CNTNAP3B: variants seen among roughly 807,000 people sequenced by gnomAD.
CNTNAP3B encodes the protein contactin-associated protein-like 3B.
A neutral mutation model predicts 108.9 loss-of-function variants in CNTNAP3B; 25 were observed. The observed-to-expected ratio is 0.23, with a 90% CI of 0.17 to 0.32. CNTNAP3B has a LOEUF of 0.32. CNTNAP3B is among the 10% of genes least tolerant of loss of function. CNTNAP3B has a pLI of 1.00. For synonymous variants in CNTNAP3B, 103 were observed against 473.4 expected (o/e 0.22, Z 10.16); for missense variants, 252 against 1,210.4 (o/e 0.21, Z 11.75).
intron 1 of CNTNAP3B, among the ~76,000 whole-genome samples, chr9:42,107,967 T>A (rs1828114526): frequency 1.1e-5 from 1 of 94,192 alleles, no homozygotes; most frequent in African/African-American, 4.3e-5. Flanking sequence ...AGAGAAAGAC[T>A]CCGTCTTAAA....
intron 15 of CNTNAP3B, among the ~76,000 whole-genome samples, chr9:41,924,524 G>A (rs1258204436): frequency 1.3e-5 from 2 of 152,282 alleles, no homozygotes; most frequent in African/African-American, 2.4e-5. Flanking sequence ...GGTTCGAGCA[G>A]CAGCTCAGTT....
At position 42,078,429 on chromosome 9, in the gene CNTNAP3B, G is replaced by A. The variant is rs77190445; in HGVS notation, c.197-1367C>T. Among the ~76,000 whole-genome samples the A allele has an allele frequency of 5.8e-3, 816 of 139,926 alleles. 16 individuals are homozygous for A. Among genetic ancestry groups the A allele is most frequent in the Middle Eastern group, 0.011 (3 of 276 alleles). 91.8% of individuals were successfully genotyped at this position (139,926 alleles called of 152,430 possible). A position where few individuals can be genotyped will look rare whatever the true frequency, so the allele number is the denominator to read the frequency against. On this transcript the variant is annotated intron_variant, in intron 2 of 23. Transcript: ENST00000377561. Reference sequence around the variant, plus strand: ...AAAATATTTTTTCCTCTGAATGTACGATAAGCACCTCTAAAGTTTATATTA... The same window carrying A: ...AAAATATTTTTTCCTCTGAATGTACAATAAGCACCTCTAAAGTTTATATTA...
chr9:41,964,865 T>C (rs1428067213), intron 10 of CNTNAP3B, among the ~76,000 whole-genome samples: 8 of 152,280 alleles, frequency 5.3e-5, no homozygotes, highest in African/African-American at 1.4e-4. Flanking sequence ...GACAGCTGAA[T>C]TTTCAACACA....
chr9:42,103,417 T>TGA (rs1828038891), intron 2 of CNTNAP3B, among the ~76,000 whole-genome samples: 1 of 29,512 alleles, frequency 3.4e-5, no homozygotes, highest in African/African-American at 1.7e-4. Context: ...CAACAGGGAG[T>TGA]TAAAAAAAAA....
chr9:41,962,913 A>C (rs62557278), intron 11 of CNTNAP3B, among the ~76,000 whole-genome samples: 126,745 of 151,174 alleles, frequency 0.84, 51,164 homozygotes, highest in Admixed American at 0.87. Context: ...TGAGATCATG[A>C]CACTGGGCTC....
rs1379049573 is a variant in CNTNAP3B, at chr9:41,925,225, T to C, written c.2366-1132A>G. On this transcript the variant is annotated intron_variant, in intron 15 of 23. Coordinates refer to ENST00000377561, the MANE Select transcript of CNTNAP3B (RefSeq NM_001201380.3). ...ATGGCTCCTGATTGAATTTTTATTC[T>C]GATGGCTGCCAATAGTGATTTTCTA... Among the ~76,000 whole-genome samples, 6 of 148,272 alleles carry C rather than the reference T, an allele frequency of 4.0e-5. No individual in the cohort carries two copies. In the East Asian group the frequency reaches 1.2e-3, roughly 29 times the overall value.
At position 42,107,704 on chromosome 9, in the gene CNTNAP3B, G is replaced by A. The variant is rs985103069; in HGVS notation, c.86-2965C>T. On this transcript the variant is annotated intron_variant, in intron 1 of 23. Transcript: ENST00000377561. ...TCAGAAAGGCAATAAATTCGGGCGC[G>A]GTGGCTCACACCTGTAATCCCAACA... 8.7e-5 allele frequency among the ~76,000 whole-genome samples: 12 copies of A among 137,842 alleles called. 2 individuals carry two copies. Among genetic ancestry groups the A allele is most frequent in the African/African-American group, 1.2e-4 (4 of 34,532 alleles). 90.4% of individuals were successfully genotyped at this position (137,842 alleles called of 152,430 possible).
chr9:41,942,479 C>T (rs1450273929), intron 13 of CNTNAP3B, among the ~76,000 whole-genome samples: 7 of 151,502 alleles, frequency 4.6e-5, no homozygotes, highest in Non-Finnish European at 8.9e-5. Context: ...GGCGTGGTGG[C>T]GGGCGCCTGT....
intron 14 of CNTNAP3B, among the ~76,000 whole-genome samples, chr9:41,932,804 C>A (rs1207388568): frequency 3.3e-5 from 5 of 152,172 alleles, no homozygotes; most frequent in Non-Finnish European, 7.3e-5. Context: ...AGGTGTGAGC[C>A]ACCGCGCCCA....
intron 18 of CNTNAP3B, among the ~76,000 whole-genome samples, chr9:41,919,645 G>T (rs1823615017): frequency 1.3e-5 from 2 of 152,284 alleles, no homozygotes; most frequent in African/African-American, 4.8e-5. Context: ...GGGACAATGG[G>T]TAAGACGATT....
chr9:41,973,713 CA>C (rs1825473013), intron 9 of CNTNAP3B, among the ~76,000 whole-genome samples: 1 of 139,850 alleles, frequency 7.2e-6, no homozygotes, highest in African/African-American at 2.8e-5. Context: ...GCTATATGCA[CA>C]ACCTGCAACC....
intron 9 of CNTNAP3B, among the ~76,000 whole-genome samples, chr9:41,982,121 T>A: frequency 2.7e-5 from 2 of 72,786 alleles, no homozygotes; most frequent in Middle Eastern, 8.2e-3. Flanking sequence ...GAAGATAACC[T>A]AGGAAATATA....
At chr9:42,103,520 C>T (rs1293299766) in intron 2 of CNTNAP3B, among the ~76,000 whole-genome samples, 1 of 121,836 alleles carries the variant, frequency 8.2e-6, no homozygotes, top group Non-Finnish European at 1.7e-5. Flanking sequence ...TGAGGAGATC[C>T]AGACCACCTT....
rs1323158007 is a variant in CNTNAP3B, at chr9:42,110,206, C to A, written c.86-5467G>T. 3.8e-5 allele frequency among the ~76,000 whole-genome samples: 5 copies of A among 130,834 alleles called. 2 individuals are homozygous for A. The highest frequency in any genetic ancestry group is 8.1e-5 in the Non-Finnish European group (5 of 61,952). The allele number at this position is 130,834 out of a possible 152,430, so 85.8% of individuals were successfully genotyped here. A position where few individuals can be genotyped will look rare whatever the true frequency, so the allele number is the denominator to read the frequency against. On this transcript the variant is annotated intron_variant, in intron 1 of 23. Coordinates refer to ENST00000377561, the MANE Select transcript of CNTNAP3B (RefSeq NM_001201380.3). ...ATTTTAGGGCAAATGCAGGAGAGTT[C>A]CACTGAAAATACGTTTAACATCCCT...
chr9:42,051,815 A>T (rs1334222778), intron 3 of CNTNAP3B, among the ~76,000 whole-genome samples: 1 of 152,110 alleles, frequency 6.6e-6, no homozygotes, highest in Non-Finnish European at 1.5e-5. Flanking sequence ...TAATTTTTGC[A>T]AACTTCCTTA....
chr9:41,995,506 T>C lies in CNTNAP3B; in HGVS notation c.1071+699A>G, dbSNP rs1825878915. On this transcript the variant is annotated intron_variant, in intron 7 of 23. Transcript: ENST00000377561. ...GTCCTATCACTTTGGGAGGCCAAGG[T>C]GGGCAGATCACGAGGTTGGGAAATC... 1.5e-5 allele frequency among the ~76,000 whole-genome samples: 2 copies of C among 134,340 alleles called. 1 individual carries two copies. Among genetic ancestry groups the C allele is most frequent in the East Asian group, 4.5e-4 (2 of 4,450 alleles). The allele number at this position is 134,340 out of a possible 152,430, so 88.1% of individuals were successfully genotyped here. A position where few individuals can be genotyped will look rare whatever the true frequency, so the allele number is the denominator to read the frequency against.
In CNTNAP3B at chr9:42,047,380, A is replaced by T. The variant is rs1276893977; in HGVS notation, c.390+29489T>A. Among the ~76,000 whole-genome samples the T allele has an allele frequency of 1.5e-5, 2 of 134,466 alleles. 1 individual carries two copies. Among genetic ancestry groups the T allele is most frequent in the African/African-American group, 6.0e-5 (2 of 33,424 alleles). 88.2% of individuals were successfully genotyped at this position (134,466 alleles called of 152,430 possible). A position where few individuals can be genotyped will look rare whatever the true frequency, so the allele number is the denominator to read the frequency against. ...AAGAAGTAAGTGGTTACTAAAGCTA[A>T]AATCAGGAGGAAAAAAGCAGAAAGC... On this transcript the variant is annotated intron_variant, in intron 3 of 23. Transcript: ENST00000377561.
rs142906936 is a variant in CNTNAP3B, at chr9:42,084,388, G to A, written c.197-7326C>T. ...CAGGGCACCCTGAGGCTGATGGCACGCCTCTCATTGTGTTCCATTTCCCAC... is the reference window on the plus strand; with the variant it reads ...CAGGGCACCCTGAGGCTGATGGCACACCTCTCATTGTGTTCCATTTCCCAC... On this transcript the variant is annotated intron_variant, in intron 2 of 23. Coordinates refer to ENST00000377561, the MANE Select transcript of CNTNAP3B (RefSeq NM_001201380.3). Among the ~76,000 whole-genome samples, 52 of 100,580 alleles carry A rather than the reference G, an allele frequency of 5.2e-4. 11 individuals carry two copies. Among genetic ancestry groups the A allele is most frequent in the African/African-American group, 6.7e-4 (18 of 26,818 alleles). 66.0% of individuals were successfully genotyped at this position (100,580 alleles called of 152,430 possible). A position where few individuals can be genotyped will look rare whatever the true frequency, so the allele number is the denominator to read the frequency against.
At chr9:41,968,041 A>G (rs1368062940) in intron 10 of CNTNAP3B, among the ~76,000 whole-genome samples, 1 of 152,262 alleles carries the variant, frequency 6.6e-6, no homozygotes, top group African/African-American at 2.4e-5. Context: ...TTAAGGTTAA[A>G]ACAAAACAGC....
Sources: allele counts gnomAD v4.1 joint callset (sites outside exome capture counted in the v4.1 genomes callset), GRCh38; gene constraint gnomAD v4.1.1; transcripts MANE v1.5; gene names NCBI Gene and HGNC (gene_info 2026-07-23, HGNC 2026-07-21).